ANO3: variants seen among roughly 807,000 people sequenced by gnomAD.
The protein encoded by ANO3 is anoctamin 3.
Under a neutral mutation model 144.8 loss-of-function variants are expected in ANO3, and 99 were observed. That is an observed-to-expected ratio of 0.68 (90% CI 0.58 to 0.81). The LOEUF is 0.81. ANO3 is among the 30% of genes least tolerant of loss of function. The probability of loss-of-function intolerance (pLI) is 0.00; values close to 1 mark genes in which losing one functional copy is unlikely to be tolerated. For missense variants in ANO3, 905 were observed against 1,202.2 expected (o/e 0.75, Z 3.66); for synonymous variants, 414 against 392.6 (o/e 1.05, Z -0.64).
intron 1 of ANO3, among the ~76,000 whole-genome samples, chr11:26,232,993 G>A (rs368494355): frequency 3.5e-4 from 53 of 152,192 alleles, no homozygotes; most frequent in Middle Eastern, 3.4e-3. Flanking sequence ...CGAGGCAGGC[G>A]GATCACGAGG....
At chr11:26,374,005 G>C (rs745887975) in intron 1 of ANO3, among the ~76,000 whole-genome samples, 2 of 152,096 alleles carry the variant, frequency 1.3e-5, no homozygotes, top group Admixed American at 6.5e-5. Flanking sequence ...TTGATAGGTA[G>C]TGCTTCCATG....
intron 1 of ANO3, among the ~76,000 whole-genome samples, chr11:26,320,300 C>G (rs202064546): frequency 2.0e-5 from 3 of 152,312 alleles, no homozygotes. Flanking sequence ...CCTTCAGCTT[C>G]CCAAGTCTTG....
chr11:26,546,846 G>A (rs1388995355), intron 11 of ANO3, among the ~76,000 whole-genome samples: 1 of 151,942 alleles, frequency 6.6e-6, no homozygotes, highest in East Asian at 1.9e-4. Flanking sequence ...ATGGAAGAAT[G>A]ACTGGTAATT....
chr11:26,617,834 C>A (rs1852304126), intron 17 of ANO3, among the ~76,000 whole-genome samples: 1 of 152,208 alleles, frequency 6.6e-6, no homozygotes, highest in Admixed American at 6.5e-5. Flanking sequence ...TTTATGCATT[C>A]TCTTTCTATT....
intron 1 of ANO3, among the ~76,000 whole-genome samples, chr11:26,289,230 G>A (rs1454860789): frequency 4.0e-5 from 6 of 151,848 alleles, no homozygotes; most frequent in African/African-American, 1.4e-4. Context: ...CTTGAAATCA[G>A]CAGACTTGGA....
At chr11:26,241,741 T>C (rs965240644) in intron 1 of ANO3, among the ~76,000 whole-genome samples, 1 of 152,068 alleles carries the variant, frequency 6.6e-6, no homozygotes, top group Non-Finnish European at 1.5e-5. Context: ...TATCATGTAG[T>C]GCTATAAAAT....
chr11:26,203,252 G>A (rs1268139265), intron 1 of ANO3, among the ~76,000 whole-genome samples: 1 of 152,076 alleles, frequency 6.6e-6, no homozygotes, highest in East Asian at 1.9e-4. Context: ...AGATTAGAAA[G>A]TACAGAAATA....
At chr11:26,651,450 A>G (rs1279140508) in intron 24 of ANO3, among the ~76,000 whole-genome samples, 1 of 152,180 alleles carries the variant, frequency 6.6e-6, no homozygotes, top group African/African-American at 2.4e-5. Context: ...ATTGCAACAG[A>G]TTTTATATAG....
chr11:26,211,590 G>C (rs1190163886), intron 1 of ANO3, among the ~76,000 whole-genome samples: 3 of 152,112 alleles, frequency 2.0e-5, no homozygotes, highest in African/African-American at 7.2e-5. Context: ...TGGAGAAATA[G>C]GAATGCTTTT....
At chr11:26,547,986 T>A (rs1849831970) in intron 12 of ANO3, among the ~76,000 whole-genome samples, 1 of 151,980 alleles carries the variant, frequency 6.6e-6, no homozygotes, top group Admixed American at 6.6e-5. Flanking sequence ...CCCTGGGAGA[T>A]GCATAGCTCT....
upstream of ANO3, among the ~76,000 whole-genome samples, chr11:26,305,593 A>G (rs1854362728): frequency 6.6e-6 from 1 of 152,170 alleles, no homozygotes; most frequent in East Asian, 1.9e-4. Context: ...TTTCTCAGAA[A>G]CCAATATTTT....
upstream of ANO3, among the ~76,000 whole-genome samples, chr11:26,328,014 T>C (rs1464323434): frequency 6.6e-6 from 1 of 152,216 alleles, no homozygotes; most frequent in Non-Finnish European, 1.5e-5. Context: ...TGTGTTCCTG[T>C]CTCTTCAAAA....
intron 1 of ANO3, among the ~76,000 whole-genome samples, chr11:26,429,358 A>C (rs2134008043): frequency 6.6e-6 from 1 of 152,264 alleles, no homozygotes; most frequent in African/African-American, 2.4e-5. Context: ...ACCAAACAGT[A>C]GAATTCTAAG....
chr11:26,499,691 G>T (rs913556496), intron 4 of ANO3, among the ~76,000 whole-genome samples: 1 of 151,588 alleles, frequency 6.6e-6, no homozygotes, highest in Non-Finnish European at 1.5e-5. Context: ...CATATGTCCT[G>T]TTTAAGAAAT....
At chr11:26,485,964 A>G (rs1860428260) in intron 4 of ANO3, among the ~76,000 whole-genome samples, 1 of 152,238 alleles carries the variant, frequency 6.6e-6, no homozygotes, top group East Asian at 1.9e-4. Context: ...ACTGATATCC[A>G]GAATTTAAAA....
chr11:26,299,737 C>A (rs79209446), intron 1 of ANO3, among the ~76,000 whole-genome samples: 1 of 151,910 alleles, frequency 6.6e-6, no homozygotes, highest in Admixed American at 6.6e-5. Context: ...GGGCTGCTGT[C>A]CTGAAGTAGG....
intron 1 of ANO3, among the ~76,000 whole-genome samples, chr11:26,418,024 T>C (rs919899186): frequency 6.6e-6 from 1 of 152,082 alleles, no homozygotes; most frequent in Non-Finnish European, 1.5e-5. Flanking sequence ...ATTAGTAAAA[T>C]AAATTTTCCC....
rs1231038352 is a variant in ANO3 at position 26,508,128 on chromosome 11, A to G, written c.457A>G (p.Ser153Gly). 1 of 1,593,464 alleles carries G rather than the reference A, an allele frequency of 6.3e-7. No homozygotes were observed. The highest frequency in any genetic ancestry group is 2.3e-5 in the East Asian group (1 of 43,528). Residue 153 changes from serine to glycine, a missense_variant, in exon 5 of 27, where the codon AGT becomes GGT. Physicochemically the swap from Ser to Gly is moderately conservative, Grantham distance 56. Around this residue, in one of 4 missense-constraint regions of ANO3, gnomAD observed 63 missense variants for 107.3 expected, o/e 0.59. Coordinates refer to ENST00000256737, the MANE Select transcript of ANO3 (RefSeq NM_031418.4). Reference protein sequence around the residue: ...SKNDMNYIASSGPLFKDGKKR... With the variant: ...SKNDMNYIASGGPLFKDGKKR... Reference sequence around the variant, plus strand: ...GAATGACATGAATTACATAGCATCCAGTGGACCTCTGTTCAAAGATGGCAA... The same window carrying G: ...GAATGACATGAATTACATAGCATCCGGTGGACCTCTGTTCAAAGATGGCAA...
chr11:26,516,991 C>A (rs1861888456), intron 6 of ANO3, 64 bp downstream of exon 6: 3 of 940,964 alleles, frequency 3.2e-6, no homozygotes, highest in South Asian at 1.8e-5. Flanking sequence ...CTTTGCATCA[C>A]CTTAGAGCAA....
Sources: allele counts gnomAD v4.1 joint callset (sites outside exome capture counted in the v4.1 genomes callset), GRCh38; gene constraint gnomAD v4.1.1; regional missense constraint gnomAD v4.1.1; transcripts MANE v1.5; gene names NCBI Gene and HGNC (gene_info 2026-07-23, HGNC 2026-07-21).